The following CFAP20DC variants were observed in gnomAD, a reference collection of about 807,000 sequenced individuals.
CFAP20DC encodes the protein protein CFAP20DC.
CFAP20DC carries 84 observed loss-of-function variants against 101.7 expected under a neutral mutation model. The ratio of observed to expected loss-of-function variants is 0.83; its 90% confidence interval spans 0.69 to 0.99. The LOEUF (loss-of-function observed/expected upper bound fraction) is 0.99, where lower values mean the gene tolerates loss of function less well. Ranked by LOEUF, CFAP20DC falls within the 50% of genes least tolerant of loss-of-function variation. CFAP20DC has a pLI of 0.00. For missense variants in CFAP20DC, 1,007 were observed against 970.3 expected (o/e 1.04, Z -0.50); for synonymous variants, 359 against 351.2 (o/e 1.02, Z -0.25).
At chr3:58,808,259 T>C (rs529795106) in intron 14 of CFAP20DC, among the ~76,000 whole-genome samples, 4 of 152,164 alleles carry the variant, frequency 2.6e-5, no homozygotes, top group African/African-American at 7.2e-5. Flanking sequence ...AGACACATAA[T>C]TGTCAGATTC....
intron 14 of CFAP20DC, among the ~76,000 whole-genome samples, chr3:58,822,819 C>G (rs974301102): frequency 6.6e-6 from 1 of 152,068 alleles, no homozygotes; most frequent in African/African-American, 2.4e-5. Flanking sequence ...TCACTCTCAC[C>G]TTCTCCTGTT....
intron 14 of CFAP20DC, among the ~76,000 whole-genome samples, chr3:58,815,105 C>G (rs1342358070): frequency 2.7e-5 from 4 of 150,814 alleles, no homozygotes; most frequent in African/African-American, 4.9e-5. Context: ...TGACTTCAAA[C>G]TATACTACAA....
chr3:58,999,976 A>T lies in CFAP20DC; in HGVS notation c.278+39581T>A, dbSNP rs1036700874. Among the ~76,000 whole-genome samples, 4 of 152,108 alleles carry T rather than the reference A, an allele frequency of 2.6e-5. No homozygotes were observed. The South Asian group carries it at 8.3e-4, about 32-fold the overall frequency. On this transcript the variant is annotated intron_variant, in intron 4 of 16. Transcript: ENST00000482387. The stretch of plus-strand genomic sequence containing the variant: ...TCTACAGAAACCACAACCTTGCATG[A>T]AGGCCATCACAACCATATGGAATAA...
rs1362400113 is a variant in CFAP20DC, at chr3:58,742,537, C to T, written c.2368G>A (p.Val790Ile). Residue 790 changes from valine to isoleucine, a missense_variant, in exon 17 of 17, where the codon GTA (valine) becomes ATA (isoleucine). By Grantham distance (29) the Val-to-Ile change is conservative. Coordinates refer to ENST00000482387, the MANE Select transcript of CFAP20DC (RefSeq NM_001394063.1). ...CAAGGGTCATACAACAAAGTCAGTA[C>T]TTCCTCGTCCTCTTCCACACTGAGG... ...EDLSVEEDEE[V>I]LTLLYDPCLN... 3 of 1,608,164 alleles carry T rather than the reference C, an allele frequency of 1.9e-6. No homozygotes were observed. Among genetic ancestry groups the T allele is most frequent in the African/African-American group, 1.3e-5 (1 of 74,706 alleles).
chr3:58,954,907 A>G (rs2090485787), intron 4 of CFAP20DC, among the ~76,000 whole-genome samples: 1 of 152,102 alleles, frequency 6.6e-6, no homozygotes, highest in Admixed American at 6.6e-5. Context: ...CCCTTTTTAA[A>G]AACAGCTTTA....
chr3:58,824,213 G>A (rs1357701590), intron 14 of CFAP20DC, among the ~76,000 whole-genome samples: 1 of 152,116 alleles, frequency 6.6e-6, no homozygotes, highest in Non-Finnish European at 1.5e-5. Context: ...TCTACCCAAA[G>A]AGAGCTGAGA....
Position 58,899,242 on chromosome 3 carries a change from C to T in CFAP20DC, c.550+14466G>A, listed in dbSNP as rs1438703912. Reference sequence around the variant, plus strand: ...CAGCTGTGCTGCGTTGTGGGAGACCCTTCCTTGTCCAGGCTGTCTGGACTC... The same window carrying T: ...CAGCTGTGCTGCGTTGTGGGAGACCTTTCCTTGTCCAGGCTGTCTGGACTC... On this transcript the variant is annotated intron_variant, in intron 6 of 16. Coordinates refer to ENST00000482387, the MANE Select transcript of CFAP20DC (RefSeq NM_001394063.1). The surrounding 1 kb of genome is among the most constrained non-coding windows in gnomAD (Gnocchi z 5.0). Among the ~76,000 whole-genome samples, 2 of 152,208 alleles carry T rather than the reference C, an allele frequency of 1.3e-5. No individual in the cohort carries two copies. Among genetic ancestry groups the T allele is most frequent in the African/African-American group, 4.8e-5 (2 of 41,464 alleles).
At chr3:58,768,608 C>T (rs1341395941) in intron 15 of CFAP20DC, among the ~76,000 whole-genome samples, 1 of 152,190 alleles carries the variant, frequency 6.6e-6, no homozygotes, top group Non-Finnish European at 1.5e-5. Context: ...CCAATCTGGT[C>T]TCTATATAAT....
rs187193398 is a variant in CFAP20DC at position 59,030,878 on chromosome 3, C to T, written c.278+8679G>A. Among the ~76,000 whole-genome samples the T allele has an allele frequency of 1.2e-3, 177 of 152,208 alleles. 3 individuals carry two copies. In the East Asian group the frequency reaches 0.025, roughly 21 times the overall value. On this transcript the variant is annotated intron_variant, in intron 4 of 16. Transcript: ENST00000482387. ...TCGCTCTGTCACCCAGGCTGGAGTG[C>T]AGTGGAGCAATCTCGGCTCACTGCA... is the stretch of plus-strand genomic sequence containing the variant.
Position 58,810,536 on chromosome 3 carries a change from T to A in CFAP20DC, c.2176-4080A>T, listed in dbSNP as rs1465681076. 5.3e-5 allele frequency among the ~76,000 whole-genome samples: 8 copies of A among 151,852 alleles called. No homozygotes were observed. The South Asian group carries it at 1.0e-3, about 20-fold the overall frequency. On this transcript the variant is annotated intron_variant, in intron 14 of 16. Coordinates refer to ENST00000482387, the MANE Select transcript of CFAP20DC (RefSeq NM_001394063.1). The stretch of plus-strand genomic sequence containing the variant: ...TGCTAAAAACTCTCAATAAATTAGG[T>A]ATTGATGGGACGTATTTCAAAATAA...
At chr3:58,792,341 T>C (rs1341872342) in intron 15 of CFAP20DC, among the ~76,000 whole-genome samples, 1 of 152,084 alleles carries the variant, frequency 6.6e-6, no homozygotes, top group Non-Finnish European at 1.5e-5. Context: ...TTACTCCGAG[T>C]TTCATTGTAC....
chr3:58,836,365 G>A (rs1159329984), intron 13 of CFAP20DC, among the ~76,000 whole-genome samples: 1 of 152,166 alleles, frequency 6.6e-6, no homozygotes, highest in African/African-American at 2.4e-5. Context: ...TCAACTTGAT[G>A]TCCTTCGCCC....
intron 4 of CFAP20DC, among the ~76,000 whole-genome samples, chr3:58,967,463 CT>C (rs2091644448): frequency 1.3e-5 from 2 of 152,056 alleles, no homozygotes; most frequent in African/African-American, 4.8e-5. Context: ...GTAGTAGTTT[CT>C]TAGATAGGAT....
intron 14 of CFAP20DC, among the ~76,000 whole-genome samples, chr3:58,811,403 T>C (rs2074619470): frequency 6.6e-6 from 1 of 151,948 alleles, no homozygotes; most frequent in Non-Finnish European, 1.5e-5. Context: ...TAACGCCGCA[T>C]ATCTACAACT....
Position 58,864,338 on chromosome 3 carries a change from A to C in CFAP20DC, c.1259-446T>G, listed in dbSNP as rs773927816. On this transcript the variant is annotated intron_variant, in intron 11 of 16. Coordinates refer to ENST00000482387, the MANE Select transcript of CFAP20DC (RefSeq NM_001394063.1). This position sits in a 1 kb window ranked among gnomAD's most constrained non-coding sequence, Gnocchi z 4.7. Reference sequence around the variant, plus strand: ...TTATCAAATAACGCAAAGCAAAGGAAGGCAATTTATAGACCATCTTGTAAC... The same window carrying C: ...TTATCAAATAACGCAAAGCAAAGGACGGCAATTTATAGACCATCTTGTAAC... Among the ~76,000 whole-genome samples the C allele has an allele frequency of 3.9e-5, 6 of 152,226 alleles. No homozygotes were observed. The highest frequency in any genetic ancestry group is 4.4e-5 in the Non-Finnish European group (3 of 68,038).
rs2079910146 is a variant in CFAP20DC at position 58,868,923 on chromosome 3, G to T, written c.1015+405C>A. Among the ~76,000 whole-genome samples, 1 of 152,072 alleles carries T rather than the reference G, an allele frequency of 6.6e-6. No homozygotes were observed. The highest frequency in any genetic ancestry group is 6.6e-5 in the Admixed American group (1 of 15,264). On this transcript the variant is annotated intron_variant, in intron 9 of 16. Transcript: ENST00000482387. The surrounding 1 kb of genome is among the most constrained non-coding windows in gnomAD (Gnocchi z 4.6). ...ACAAAAATCCTTTTTCACTTACAGG[G>T]TTTATTTTATTTTTGTTGTTGGATC...
At chr3:58,958,574 T>C (rs1479987721) in intron 4 of CFAP20DC, among the ~76,000 whole-genome samples, 2 of 152,180 alleles carry the variant, frequency 1.3e-5, no homozygotes, top group South Asian at 4.1e-4. Context: ...TCATATTCCA[T>C]CAGCAAAGTA....
At chr3:58,895,384 C>G (rs2082586912) in intron 6 of CFAP20DC, among the ~76,000 whole-genome samples, 1 of 152,180 alleles carries the variant, frequency 6.6e-6, no homozygotes, top group Non-Finnish European at 1.5e-5. Context: ...TAAATCATCC[C>G]TCTCAAGGTC....
chr3:58,823,671 A>C (rs541076382), intron 14 of CFAP20DC, among the ~76,000 whole-genome samples: 1 of 152,178 alleles, frequency 6.6e-6, no homozygotes, highest in East Asian at 1.9e-4. Context: ...CCTCTCAACC[A>C]CTAGTCTGTA....
Sources: allele counts gnomAD v4.1 joint callset (sites outside exome capture counted in the v4.1 genomes callset), GRCh38; gene constraint gnomAD v4.1.1; non-coding constraint Gnocchi (gnomAD v3.1); transcripts MANE v1.5; gene names NCBI Gene and HGNC (gene_info 2026-07-23, HGNC 2026-07-21).